PMPCA: variants seen among roughly 807,000 people sequenced by gnomAD.
PMPCA encodes peptidase, mitochondrial processing subunit alpha, also known as mitochondrial-processing peptidase subunit alpha.
Under a neutral mutation model 59.3 loss-of-function variants are expected in PMPCA, and 47 were observed. That is an observed-to-expected ratio of 0.79 (90% CI 0.63 to 1.01). The LOEUF is 1.01. Among genes scored for constraint, PMPCA ranks in the 50% least tolerant of loss-of-function variants. The pLI is 0.00. For missense variants in PMPCA, 726 were observed against 704.5 expected (o/e 1.03, Z -0.34); for synonymous variants, 338 against 290.3 (o/e 1.16, Z -1.67).
At chr9:136,411,969 T>C in intron 1 of PMPCA, 28 bp from the exon 2 acceptor site, 1 of 1,448,942 alleles carries the variant, frequency 6.9e-7, no homozygotes, top group Non-Finnish European at 9.7e-7. Context: ...TCAAGCCTGT[T>C]GTAACTGGGC....
intron 12 of PMPCA, 33 bp from the exon 13 acceptor site, chr9:136,423,062 G>T: frequency 6.3e-7 from 1 of 1,588,042 alleles, no homozygotes. Flanking sequence ...GCCGTGGCGC[G>T]CTCGTGTGAC....
intron 11 of PMPCA, chr9:136,420,611 C>G (rs747159541): frequency 3.9e-5 from 6 of 152,174 alleles, no homozygotes; most frequent in African/African-American, 7.2e-5. Flanking sequence ...TGTGAGCCAC[C>G]GTGCCCGGCC....
At chr9:136,420,057 C>T (rs1267661798) in intron 11 of PMPCA, 1 of 151,000 alleles carries the variant, frequency 6.6e-6, no homozygotes, top group Non-Finnish European at 1.5e-5. Flanking sequence ...CAGCTCACTG[C>T]ATCCTTCCAC....
chr9:136,421,404 G>GTTT (rs57128281), intron 11 of PMPCA, among the ~76,000 whole-genome samples: 52 of 117,994 alleles, frequency 4.4e-4, no homozygotes, highest in African/African-American at 6.9e-4. Context: ...CTGGGTTCCC[G>GTTT]TTTTTTTTTT....
At chr9:136,412,465 C>A (rs765469244) in intron 2 of PMPCA, 25 bp from the exon 3 acceptor site, 1 of 1,090,590 alleles carries the variant, frequency 9.2e-7, no homozygotes, top group Admixed American at 2.0e-5. Context: ...CTGATGTAAC[C>A]TGTCAATTTT....
intron 12 of PMPCA, chr9:136,422,309 A>G (rs1053858919): frequency 5.5e-5 from 67 of 1,223,922 alleles, no homozygotes; most frequent in South Asian, 2.6e-4. Flanking sequence ...GGACTGCTAC[A>G]TTGTACGTGG....
chr9:136,421,996 T>C lies in PMPCA; in HGVS notation c.1408+20T>C, dbSNP rs757096025. Reference sequence around the variant, plus strand: ...TCATCCGTGAGTACCGCAGGGGTAGTGAGGGGCTGCCGCAGGCCTCGGCCA... The same window carrying C: ...TCATCCGTGAGTACCGCAGGGGTAGCGAGGGGCTGCCGCAGGCCTCGGCCA... On this transcript the variant is annotated intron_variant, in intron 12 of 12. Coordinates refer to ENST00000371717, the MANE Select transcript of PMPCA (RefSeq NM_015160.3). The C allele has an allele frequency of 1.9e-6, 3 of 1,596,890 alleles. No individual in the cohort carries two copies. The highest frequency in any genetic ancestry group is 2.6e-6 in the Non-Finnish European group (3 of 1,171,862).
Position 136,423,150 on chromosome 9 carries a change from G to A in PMPCA, c.1464G>A (p.Lys488=). The change falls in exon 13 of 13, where the codon AAG becomes AAA. Residue 488 remains lysine, a synonymous_variant. Coordinates refer to ENST00000371717, the MANE Select transcript of PMPCA (RefSeq NM_015160.3). ...TCGCTTCTAAGATGCTCCGAGGGAA[G>A]CCGGCAGTGGCCGCCCTGGGTGACC... ...KRVASKMLRG[K]PAVAALGDLT... 1 of 1,613,752 alleles carries A rather than the reference G, an allele frequency of 6.2e-7. No individual in the cohort carries two copies.
chr9:136,417,312 T>C (rs545877606), intron 7 of PMPCA, 98 bp downstream of exon 7: 35 of 1,002,614 alleles, frequency 3.5e-5, no homozygotes, highest in African/African-American at 3.4e-4. Flanking sequence ...GTGATAGGTG[T>C]TGACTGCATG....
At chr9:136,418,465 T>C in intron 8 of PMPCA, 90 bp from the exon 9 acceptor site, 1 of 860,116 alleles carries the variant, frequency 1.2e-6, no homozygotes, top group Non-Finnish European at 1.9e-6. Flanking sequence ...CTTGGGCGAC[T>C]CAGCCAGCTC....
At chr9:136,422,220 C>T in intron 12 of PMPCA, 1 of 1,466,164 alleles carries the variant, frequency 6.8e-7, no homozygotes, top group Non-Finnish European at 9.1e-7. Context: ...CCACCCTCTG[C>T]ACCCCTGGGA....
At chr9:136,413,122 G>C (rs1835181403) in intron 4 of PMPCA, among the ~76,000 whole-genome samples, 1 of 152,226 alleles carries the variant, frequency 6.6e-6, no homozygotes, top group African/African-American at 2.4e-5. Context: ...CTGCATGCCA[G>C]GGATGTAGAG....
chr9:136,419,025 G>T lies in PMPCA; in HGVS notation c.1201-19G>T. The T allele has an allele frequency of 6.2e-7, 1 of 1,612,992 alleles. No homozygotes were observed. On this transcript the variant is annotated intron_variant, in intron 10 of 12. Coordinates refer to ENST00000371717, the MANE Select transcript of PMPCA (RefSeq NM_015160.3). Reference sequence around the variant, plus strand: ...GGCAGGCGCAGGCCACACTGTTATCGTCTTGCCCTTCTTCGCAGGTTCGAG... The same window carrying T: ...GGCAGGCGCAGGCCACACTGTTATCTTCTTGCCCTTCTTCGCAGGTTCGAG...
chr9:136,422,582 G>T, intron 12 of PMPCA: 1 of 1,013,348 alleles, frequency 9.9e-7, no homozygotes, highest in Non-Finnish European at 1.2e-6. Flanking sequence ...GCCCTGTCCC[G>T]TGTGGGCCCT....
chr9:136,417,912 T>G (rs1835327803), intron 7 of PMPCA, 105 bp from the exon 8 acceptor site: 2 of 843,328 alleles, frequency 2.4e-6, no homozygotes, highest in Non-Finnish European at 4.0e-6. Context: ...TGTGCCTGGC[T>G]GGCATTGGAT....
intron 12 of PMPCA, chr9:136,422,307 A>G: frequency 8.1e-7 from 1 of 1,228,590 alleles, no homozygotes; most frequent in African/African-American, 1.5e-5. Context: ...GAGGACTGCT[A>G]CATTGTACGT....
rs1298663536 is a variant in PMPCA, at chr9:136,416,700, GT to G, written c.634-246del. ...GTTTATACAATGTTCGTATTTTCCAGTTTTTATAGTAACTAGGTCTTTACTA... is the reference window on the plus strand; with the variant it reads ...GTTTATACAATGTTCGTATTTTCCAGTTTTATAGTAACTAGGTCTTTACTA... On this transcript the variant is annotated intron_variant, in intron 6 of 12. Transcript: ENST00000371717. 1.9e-5 allele frequency: 11 copies of G among 590,002 alleles called. No homozygotes were observed. In the East Asian group the frequency reaches 3.1e-4, roughly 17 times the overall value. The allele number at this position is 590,002 out of a possible 1,614,324, so 36.5% of individuals were successfully genotyped here.
At position 136,411,984 on chromosome 9, in the gene PMPCA, TTC is replaced by T; in HGVS notation, c.72-9_72-8del. On this transcript the variant is annotated splice_polypyrimidine_tract_variant and intron_variant, in intron 1 of 12. Coordinates refer to ENST00000371717, the MANE Select transcript of PMPCA (RefSeq NM_015160.3). Reference sequence around the variant, plus strand: ...TCAAGCCTGTTGTAACTGGGCCGCTTTCTCTGTTTTAGGTTTGGACCTCCTGC... The same window carrying T: ...TCAAGCCTGTTGTAACTGGGCCGCTTTCTGTTTTAGGTTTGGACCTCCTGC... 1.3e-6 allele frequency: 2 copies of T among 1,570,006 alleles called. No individual in the cohort carries two copies. The highest frequency in any genetic ancestry group is 1.8e-6 in the Non-Finnish European group (2 of 1,141,726).
At position 136,417,146 on chromosome 9, in the gene PMPCA, G is replaced by A; in HGVS notation, c.829G>A (p.Ala277Thr). 6.2e-7 allele frequency: 1 copy of A among 1,612,916 alleles called. No individual in the cohort carries two copies. The highest frequency in any genetic ancestry group is 8.5e-7 in the Non-Finnish European group (1 of 1,179,402). The change falls in exon 7 of 13, where the codon GCC (alanine) becomes ACC (threonine). Residue 277 changes from alanine (A) to threonine (T), a missense_variant. Physicochemically the swap from Ala to Thr is moderately conservative, Grantham distance 58. Coordinates refer to ENST00000371717, the MANE Select transcript of PMPCA (RefSeq NM_015160.3). ...GAAGTACCTCCTGGGGGTCCAGCCGGCCTGGGGGAGCGCAGAGGCCGTGGA... is the reference window on the plus strand; with the variant it reads ...GAAGTACCTCCTGGGGGTCCAGCCGACCTGGGGGAGCGCAGAGGCCGTGGA... The part of the protein sequence containing the change: ...ARKYLLGVQP[A>T]WGSAEAVDID...
Sources: allele counts gnomAD v4.1 joint callset (sites outside exome capture counted in the v4.1 genomes callset), GRCh38; gene constraint gnomAD v4.1.1; transcripts MANE v1.5; gene names NCBI Gene and HGNC (gene_info 2026-07-23, HGNC 2026-07-21).